NOL4L: variants seen among roughly 807,000 people sequenced by gnomAD.
NOL4L encodes nucleolar protein 4-like.
In NOL4L, 7 loss-of-function variants were observed where a neutral mutation model predicts 64.5. The ratio of observed to expected loss-of-function variants is 0.11; its 90% CI spans 0.06 to 0.20. NOL4L has a LOEUF of 0.20. NOL4L is among the 10% of genes least tolerant of loss of function. The pLI, the probability that NOL4L is intolerant of heterozygous loss-of-function variation, is 1.00. For synonymous variants in NOL4L, 413 were observed against 401.0 expected (o/e 1.03, Z -0.36); for missense variants, 680 against 967.1 (o/e 0.70, Z 3.94).
At chr20:32,530,619 A>C (rs1260601700) in intron 1 of NOL4L, among the ~76,000 whole-genome samples, 1 of 152,068 alleles carries the variant, frequency 6.6e-6, no homozygotes, top group Non-Finnish European at 1.5e-5. Context: ...CAATTTATTA[A>C]GTCATTAAAT....
At position 32,488,821 on chromosome 20, in the gene NOL4L, CTT is replaced by C. The variant is rs1348835502; in HGVS notation, c.700-14081_700-14080del. Among the ~76,000 whole-genome samples the C allele has an allele frequency of 3.6e-3, 112 of 31,142 alleles. 8 individuals carry two copies. The Middle Eastern group carries it at 0.071, about 20-fold the overall frequency. 20.4% of individuals were successfully genotyped at this position (31,142 alleles called of 152,430 possible). The stretch of plus-strand genomic sequence containing the variant: ...TTTCTTTCTTTTTCTTTCTTTCTTT[CTT>C]TCTTTTTCTTTCTTTCTTTCTTTCT... On this transcript the variant is annotated intron_variant, in intron 4 of 10. Transcript: ENST00000621426.
At position 32,446,174 on chromosome 20, in the gene NOL4L, G is replaced by A. The variant is rs2012320791; in HGVS notation, c.*1422C>T. ...CCTGGGGGCCTGCTGAGGTCTGGGCGAGTCCCTGGTTTAGCAGCACTGGTA... is the reference window on the plus strand; with the variant it reads ...CCTGGGGGCCTGCTGAGGTCTGGGCAAGTCCCTGGTTTAGCAGCACTGGTA... On this transcript the variant is annotated 3_prime_UTR_variant, in exon 11 of 11. Transcript: ENST00000621426. The A allele has an allele frequency of 1.3e-5, 2 of 152,440 alleles. No homozygotes were observed. Among genetic ancestry groups the A allele is most frequent in the South Asian group, 2.1e-4 (1 of 4,832 alleles). 9.4% of individuals were successfully genotyped at this position (152,440 alleles called of 1,614,324 possible). A position where few individuals can be genotyped will look rare whatever the true frequency, so the allele number is the denominator to read the frequency against.
chr20:32,540,001 G>A (rs1395092801), intron 1 of NOL4L, among the ~76,000 whole-genome samples: 2 of 152,216 alleles, frequency 1.3e-5, no homozygotes, highest in Non-Finnish European at 2.9e-5. Flanking sequence ...CTGCCAAGCT[G>A]ATACCAGAAG....
intron 1 of NOL4L, among the ~76,000 whole-genome samples, chr20:32,562,363 A>T (rs983628829): frequency 2.0e-5 from 3 of 152,114 alleles, no homozygotes; most frequent in Non-Finnish European, 4.4e-5. Flanking sequence ...CGCCTGCCCC[A>T]AACATTCCTG....
intron 5 of NOL4L, among the ~76,000 whole-genome samples, chr20:32,462,092 T>C (rs1020342309): frequency 6.6e-6 from 1 of 152,090 alleles, no homozygotes; most frequent in African/African-American, 2.4e-5. Context: ...CTGCGATGGC[T>C]GGGAAGGTGC....
At chr20:32,574,743 G>A (rs1027582787) in intron 1 of NOL4L, among the ~76,000 whole-genome samples, 4 of 152,180 alleles carry the variant, frequency 2.6e-5, no homozygotes, top group African/African-American at 9.6e-5. Flanking sequence ...TGGAGAGGGG[G>A]CCCGGGTAAC....
chr20:32,478,366 G>A (rs763976499), intron 4 of NOL4L, among the ~76,000 whole-genome samples: 3 of 152,088 alleles, frequency 2.0e-5, no homozygotes, highest in African/African-American at 4.8e-5. Flanking sequence ...CTGTGCTAGG[G>A]ACATAGATAA....
chr20:32,554,815 G>A (rs1226378353), intron 1 of NOL4L, among the ~76,000 whole-genome samples: 1 of 152,192 alleles, frequency 6.6e-6, no homozygotes, highest in Admixed American at 6.5e-5. Context: ...TCCAGGAAGG[G>A]AGGAGAAAGG....
chr20:32,510,762 G>T (rs293567), intron 4 of NOL4L: 79,215 of 152,846 alleles, frequency 0.52, 23,999 homozygotes, highest in East Asian at 0.99. Context: ...GTCAGGCTAC[G>T]TGCTTTGCAA....
At chr20:32,528,046 G>T (rs1318459298) in intron 1 of NOL4L, 133 bp from the exon 2 acceptor site, 4 of 524,210 alleles carry the variant, frequency 7.6e-6, no homozygotes, top group African/African-American at 2.0e-5. Context: ...AGGGGAGGGA[G>T]CCTACCGAGG....
At chr20:32,465,484 G>A (rs2014464982) in intron 5 of NOL4L, among the ~76,000 whole-genome samples, 1 of 152,246 alleles carries the variant, frequency 6.6e-6, no homozygotes, top group Non-Finnish European at 1.5e-5. Context: ...ATGCCCCGGG[G>A]AAGCGCTCCC....
rs538483740 is a variant in NOL4L, at chr20:32,461,939, C to T, written c.842-5544G>A. 6.6e-5 allele frequency among the ~76,000 whole-genome samples: 10 copies of T among 152,118 alleles called. No homozygotes were observed. The South Asian group carries it at 2.1e-3, about 32-fold the overall frequency. On this transcript the variant is annotated intron_variant, in intron 5 of 10. Transcript: ENST00000621426. Reference sequence around the variant, plus strand: ...GCTCCTGCTGCCCCCTAGATCACACCCCTCCCTCTGGTGGGGGCAACTGAG... The same window carrying T: ...GCTCCTGCTGCCCCCTAGATCACACTCCTCCCTCTGGTGGGGGCAACTGAG...
Position 32,485,058 on chromosome 20 carries a change from C to CAAAAAAAAAAAAAAAAAAAAAAAA in NOL4L, c.700-10340_700-10317dup, listed in dbSNP as rs57444583. 2.7e-3 allele frequency among the ~76,000 whole-genome samples: 48 copies of CAAAAAAAAAAAAAAAAAAAAAAAA among 17,812 alleles called. 1 individual carries two copies. The highest frequency in any genetic ancestry group is 4.1e-3 in the South Asian group (1 of 242). 11.7% of individuals were successfully genotyped at this position (17,812 alleles called of 152,430 possible). A position where few individuals can be genotyped will look rare whatever the true frequency, so the allele number is the denominator to read the frequency against. On this transcript the variant is annotated intron_variant, in intron 4 of 10. Coordinates refer to ENST00000621426, the MANE Select transcript of NOL4L (RefSeq NM_001256798.2). ...TCGTGGAATTCTGTGGGGAAATTGC[C>CAAAAAAAAAAAAAAAAAAAAAAAA]AAAAAAAAAAAAAAAAAAAAAAAAA... is the stretch of plus-strand genomic sequence containing the variant.
chr20:32,492,375 T>A (rs1377945358), intron 4 of NOL4L, among the ~76,000 whole-genome samples: 1 of 152,170 alleles, frequency 6.6e-6, no homozygotes, highest in Non-Finnish European at 1.5e-5. Flanking sequence ...GCAAAATCAA[T>A]GTATGCTCCT....
chr20:32,457,235 A>ACCCAGC (rs1215266443), intron 5 of NOL4L, among the ~76,000 whole-genome samples: 171 of 152,144 alleles, frequency 1.1e-3, no homozygotes, highest in Admixed American at 3.5e-3. Flanking sequence ...CTCTCTGCCC[A>ACCCAGC]CCCAGCCCCA....
At position 32,464,291 on chromosome 20, in the gene NOL4L, G is replaced by A. The variant is rs1040203751; in HGVS notation, c.842-7896C>T. Among the ~76,000 whole-genome samples the A allele has an allele frequency of 6.6e-6, 1 of 152,236 alleles. No homozygotes were observed. Among genetic ancestry groups the A allele is most frequent in the Non-Finnish European group, 1.5e-5 (1 of 68,034 alleles). ...CACCAGGCTCAGGGCAGGCTGCCCA[G>A]CTCTTCCTCCAGAAAGGCAGGAGGG... On this transcript the variant is annotated intron_variant, in intron 5 of 10. Coordinates refer to ENST00000621426, the MANE Select transcript of NOL4L (RefSeq NM_001256798.2). This position sits in a 1 kb window ranked among gnomAD's most constrained non-coding sequence, Gnocchi z 5.6.
intron 4 of NOL4L, among the ~76,000 whole-genome samples, chr20:32,477,264 C>T (rs1010174065): frequency 1.3e-5 from 2 of 152,208 alleles, no homozygotes; most frequent in African/African-American, 2.4e-5. Flanking sequence ...TTGACAGCCC[C>T]GCTCCACAGA....
At chr20:32,538,099 G>C (rs2018582175) in intron 1 of NOL4L, among the ~76,000 whole-genome samples, 1 of 152,154 alleles carries the variant, frequency 6.6e-6, no homozygotes, top group Non-Finnish European at 1.5e-5. Flanking sequence ...ATTTCTGTCA[G>C]GCCTCCCAAA....
rs2013507909 is a variant in NOL4L, at chr20:32,456,266, A to G, written c.971T>C (p.Phe324Ser). Reference sequence around the variant, plus strand: ...GGGCTGATCCTCGGCGGCCGTGGTGAAGTCCATGGGGGCCACGGCGCCGTT... The same window carrying G: ...GGGCTGATCCTCGGCGGCCGTGGTGGAGTCCATGGGGGCCACGGCGCCGTT... ...NGNGAVAPMD[F>S]TTAAEDQPIN... Residue 324 changes from phenylalanine (F) to serine (S), a missense_variant, in exon 6 of 11, where the codon TTC (phenylalanine) becomes TCC (serine). Around this residue, in one of 4 missense-constraint regions of NOL4L, gnomAD observed 254 missense variants for 238.7 expected, o/e 1.06. Coordinates refer to ENST00000621426, the MANE Select transcript of NOL4L (RefSeq NM_001256798.2). 1 of 1,602,430 alleles carries G rather than the reference A, an allele frequency of 6.2e-7. No individual in the cohort carries two copies. The highest frequency in any genetic ancestry group is 8.5e-7 in the Non-Finnish European group (1 of 1,174,786).
Sources: gnomAD v4.1 joint callset for allele counts (sites outside exome capture counted in the v4.1 genomes callset) on GRCh38, gnomAD v4.1.1 for gene constraint, gnomAD v4.1.1 regional missense constraint, Gnocchi (gnomAD v3.1) non-coding constraint, MANE v1.5 for transcripts, NCBI Gene and HGNC (gene_info 2026-07-23, HGNC 2026-07-21) for gene names.